Variants in NUCB2 observed in about 807,000 individuals in gnomAD.
NUCB2 encodes nucleobindin 2.
In NUCB2, 48 loss-of-function variants were observed where a neutral mutation model predicts 57.9. The observed-to-expected ratio is 0.83, with a 90% CI of 0.66 to 1.05. The LOEUF (loss-of-function observed/expected upper bound fraction) is 1.05, where lower values mean the gene tolerates loss of function less well. NUCB2 is among the 50% of genes least tolerant of loss of function. The pLI, the probability that NUCB2 is intolerant of heterozygous loss-of-function variation, is 0.00. For synonymous variants in NUCB2, 139 were observed against 152.1 expected (o/e 0.91, Z 0.64); for missense variants, 442 against 476.2 (o/e 0.93, Z 0.67).
chr11:17,348,070 C>T (rs923901688), intron 2 of NUCB2, among the ~76,000 whole-genome samples: 1 of 152,018 alleles, frequency 6.6e-6, no homozygotes, highest in Non-Finnish European at 1.5e-5. Flanking sequence ...GACAGTTCTT[C>T]GTGGGTTGGA....
intron 2 of NUCB2, chr11:17,286,637 C>T (rs529282329): frequency 5.9e-5 from 9 of 152,082 alleles, no homozygotes; most frequent in Non-Finnish European, 1.2e-4. Flanking sequence ...TCTTTAGGTC[C>T]GTATCTCTCT....
At chr11:17,325,171 G>T (rs543424726) in intron 11 of NUCB2, among the ~76,000 whole-genome samples, 15 of 152,296 alleles carry the variant, frequency 9.8e-5, no homozygotes, top group African/African-American at 3.6e-4. Flanking sequence ...GCTGTTGGAT[G>T]AAATACTTGT....
At chr11:17,285,080 A>G (rs1464779871) in intron 2 of NUCB2, among the ~76,000 whole-genome samples, 2 of 152,218 alleles carry the variant, frequency 1.3e-5, no homozygotes, top group Non-Finnish European at 2.9e-5. Context: ...CAATTCAGCC[A>G]TTAATTGAAA....
exon 2 of NUCB2, chr11:17,337,411 T>A (rs1216825505): frequency 6.6e-6 from 1 of 152,226 alleles, no homozygotes; most frequent in Non-Finnish European, 1.5e-5. Flanking sequence ...CTTCATCGTT[T>A]GTCATGCAGG....
chr11:17,327,352 C>T (rs904748259), intron 11 of NUCB2, among the ~76,000 whole-genome samples: 7 of 152,156 alleles, frequency 4.6e-5, no homozygotes, highest in African/African-American at 7.2e-5. Flanking sequence ...TGAGCCACTA[C>T]GCCTCGCCAG....
chr11:17,290,638 T>TTA lies in NUCB2; in HGVS notation c.1-4675_1-4674dup, dbSNP rs940353007. 1.0e-3 allele frequency among the ~76,000 whole-genome samples: 152 copies of TTA among 152,052 alleles called. 1 individual carries two copies. Among genetic ancestry groups the TTA allele is most frequent in the Middle Eastern group, 3.4e-3 (1 of 294 alleles). ...ACTGTAAAGCTAGAAAATCTTAAGT[T>TTA]TATATATATATACCTAATATTTGAA... On this transcript the variant is annotated intron_variant, in intron 2 of 13. Coordinates refer to ENST00000529010, the MANE Select transcript of NUCB2 (RefSeq NM_005013.4).
chr11:17,289,463 T>C (rs966935253), intron 2 of NUCB2, among the ~76,000 whole-genome samples: 4 of 152,172 alleles, frequency 2.6e-5, no homozygotes, highest in Non-Finnish European at 5.9e-5. Context: ...CACCAACTTG[T>C]ATTACTTTTC....
chr11:17,312,526 C>T (rs1948650623), intron 10 of NUCB2, among the ~76,000 whole-genome samples: 1 of 151,934 alleles, frequency 6.6e-6, no homozygotes, highest in African/African-American at 2.4e-5. Context: ...CCTCAGCCTC[C>T]TGAGTAGCAG....
chr11:17,287,944 TC>T (rs1441791938), intron 2 of NUCB2, among the ~76,000 whole-genome samples: 11 of 151,938 alleles, frequency 7.2e-5, no homozygotes, highest in Non-Finnish European at 4.4e-5. Flanking sequence ...GTTGCAGTGA[TC>T]CGAGATCGCG....
At chr11:17,315,728 G>T (rs926676970) in intron 11 of NUCB2, among the ~76,000 whole-genome samples, 1 of 151,996 alleles carries the variant, frequency 6.6e-6, no homozygotes, top group East Asian at 1.9e-4. Context: ...TATAAAATAG[G>T]ATTCGTTATT....
intron 2 of NUCB2, among the ~76,000 whole-genome samples, chr11:17,293,026 G>A (rs1945195524): frequency 6.6e-6 from 1 of 152,062 alleles, no homozygotes; most frequent in Non-Finnish European, 1.5e-5. Flanking sequence ...GGCTGAGCTG[G>A]GTGGATCATC....
intron 13 of NUCB2, 29 bp downstream of exon 13, chr11:17,331,012 A>G: frequency 1.5e-6 from 2 of 1,337,012 alleles, no homozygotes; most frequent in East Asian, 2.4e-5. Flanking sequence ...TTATTTATTT[A>G]GGAAAATAAA....
At chr11:17,341,388 T>C (rs968514366) in intron 2 of NUCB2, among the ~76,000 whole-genome samples, 94 of 151,958 alleles carry the variant, frequency 6.2e-4, no homozygotes, top group African/African-American at 2.2e-3. Flanking sequence ...ATCCCTGTCT[T>C]GTGCCAGTTT....
rs1254910995 is a variant in NUCB2, at chr11:17,295,486, A to G, written c.144+19A>G. On this transcript the variant is annotated intron_variant, in intron 3 of 13. Transcript: ENST00000529010. ...ACCACCAGTAAGTGAAATGAAGTGA[A>G]ATGGGAGGAATTATAACTAAATGAA... 6.4e-7 allele frequency: 1 copy of G among 1,557,344 alleles called. No individual in the cohort carries two copies. The highest frequency in any genetic ancestry group is 8.8e-7 in the Non-Finnish European group (1 of 1,132,348).
chr11:17,316,678 A>G (rs1481943025), intron 11 of NUCB2, among the ~76,000 whole-genome samples: 1 of 152,248 alleles, frequency 6.6e-6, no homozygotes, highest in Non-Finnish European at 1.5e-5. Flanking sequence ...TAACACAGTC[A>G]ACTGTGTATA....
intron 4 of NUCB2, among the ~76,000 whole-genome samples, chr11:17,298,523 A>G (rs1373546071): frequency 6.6e-6 from 1 of 152,036 alleles, no homozygotes; most frequent in East Asian, 1.9e-4. Flanking sequence ...AGCCATGATT[A>G]TATGACTGTA....
At chr11:17,316,139 T>A (rs949634797) in intron 11 of NUCB2, among the ~76,000 whole-genome samples, 7 of 152,014 alleles carry the variant, frequency 4.6e-5, no homozygotes, top group Admixed American at 2.0e-4. Flanking sequence ...GCCCGGCTAA[T>A]TTTTGTATTT....
intron 2 of NUCB2, chr11:17,283,398 A>G (rs1190205959): frequency 1.3e-5 from 2 of 152,224 alleles, no homozygotes; most frequent in East Asian, 1.9e-4. Context: ...AAGGAAGGAA[A>G]GATTTGGATA....
intron 2 of NUCB2, among the ~76,000 whole-genome samples, chr11:17,344,493 G>A (rs1189879044): frequency 1.3e-5 from 2 of 152,048 alleles, no homozygotes. Flanking sequence ...TCCCACTATT[G>A]TATTTCTAAT....
Sources: gnomAD v4.1 joint callset for allele counts (sites outside exome capture counted in the v4.1 genomes callset) on GRCh38, gnomAD v4.1.1 for gene constraint, MANE v1.5 for transcripts, NCBI Gene and HGNC (gene_info 2026-07-23, HGNC 2026-07-21) for gene names.